RAPGEF2: variants seen among roughly 807,000 people sequenced by gnomAD.
The protein encoded by RAPGEF2 is PDZ domain containing guanine nucleotide exchange factor (GEF) 1.
RAPGEF2 carries 54 observed loss-of-function variants against 186.7 expected under a neutral mutation model. The observed-to-expected ratio is 0.29, with a 90% CI of 0.23 to 0.36. The LOEUF (loss-of-function observed/expected upper bound fraction) is 0.36. Ranked by LOEUF, RAPGEF2 falls within the 10% of genes least tolerant of loss-of-function variation. The probability of loss-of-function intolerance (pLI) is 1.00; values close to 1 mark genes in which losing one functional copy is unlikely to be tolerated. For missense variants in RAPGEF2, 1,532 were observed against 2,045.0 expected, an observed-to-expected ratio of 0.75 and a Z score of 4.84; for synonymous variants, 712 against 705.9, an observed-to-expected ratio of 1.01 and a Z score of -0.14.
chr4:159,129,785 C>T lies in RAPGEF2; in HGVS notation c.69+25554C>T, dbSNP rs138637406. Among the ~76,000 whole-genome samples the T allele has an allele frequency of 4.9e-4, 75 of 152,056 alleles. 1 individual carries two copies. Among genetic ancestry groups the T allele is most frequent in the African/African-American group, 1.6e-3 (68 of 41,470 alleles). On this transcript the variant is annotated intron_variant, in intron 1 of 29. Coordinates refer to ENST00000691494, the MANE Select transcript of RAPGEF2 (RefSeq NM_001394067.2). ...ACTGGAAAGGGGTCCCAATCCGGAC[C>T]CTGAAAAGAGGGTTCTTGGATCTTG...
chr4:159,147,200 A>G (rs1416042607), intron 1 of RAPGEF2, among the ~76,000 whole-genome samples: 1 of 152,252 alleles, frequency 6.6e-6, no homozygotes, highest in Non-Finnish European at 1.5e-5. Flanking sequence ...TATTTGCAGC[A>G]TAAATGGTAC....
rs555634421 is a variant in RAPGEF2 at position 159,265,565 on chromosome 4, A to G, written c.543+21774A>G. On this transcript the variant is annotated intron_variant, in intron 7 of 29. Transcript: ENST00000691494. ...TGGTGTAAGTCTGGAAAATGTATAAATCTTGCAGATCATGATAAGAGTTTT... is the reference window on the plus strand; with the variant it reads ...TGGTGTAAGTCTGGAAAATGTATAAGTCTTGCAGATCATGATAAGAGTTTT... Among the ~76,000 whole-genome samples, 7 of 152,324 alleles carry G rather than the reference A, an allele frequency of 4.6e-5. No homozygotes were observed. In the South Asian group the frequency reaches 1.0e-3, roughly 23 times the overall value.
intron 1 of RAPGEF2, among the ~76,000 whole-genome samples, chr4:159,123,914 G>A (rs188940550): frequency 4.5e-4 from 69 of 152,170 alleles, no homozygotes; most frequent in African/African-American, 1.6e-3. Flanking sequence ...GGAGTGCAGT[G>A]GCGTGTTCTC....
At chr4:159,347,053 A>G (rs1938587705) in intron 25 of RAPGEF2, 55 bp downstream of exon 25, 1 of 1,462,332 alleles carries the variant, frequency 6.8e-7, no homozygotes, top group African/African-American at 1.4e-5. Flanking sequence ...ATGGTTTGCA[A>G]ATTAGGAAAA....
chr4:159,252,542 T>A (rs561646366), intron 7 of RAPGEF2, among the ~76,000 whole-genome samples: 15 of 152,356 alleles, frequency 9.8e-5, no homozygotes, highest in Non-Finnish European at 1.9e-4. Context: ...CAGTGGGCAT[T>A]TTTGAGGAAT....
At chr4:159,351,113 G>A (rs1731109595) in intron 26 of RAPGEF2, 1 of 1,535,210 alleles carries the variant, frequency 6.5e-7, no homozygotes, top group Non-Finnish European at 8.7e-7. Flanking sequence ...GACTTAACCA[G>A]TTCCTCCTCT....
At chr4:159,286,515 C>G (rs1163547538) in intron 7 of RAPGEF2, among the ~76,000 whole-genome samples, 1 of 152,146 alleles carries the variant, frequency 6.6e-6, no homozygotes, top group South Asian at 2.1e-4. Flanking sequence ...GATTTTAAAA[C>G]TCCTCAGTAG....
chr4:159,255,113 A>G (rs75088484), intron 7 of RAPGEF2, among the ~76,000 whole-genome samples: 4,949 of 152,298 alleles, frequency 0.032, 103 homozygotes, highest in Middle Eastern at 0.058. Flanking sequence ...ACCTAGGAGC[A>G]ATAGGCTATC....
chr4:159,270,315 T>C (rs1757968413), intron 7 of RAPGEF2, among the ~76,000 whole-genome samples: 1 of 152,214 alleles, frequency 6.6e-6, no homozygotes, highest in Admixed American at 6.5e-5. Flanking sequence ...ACTCAGGCTC[T>C]CAATAAGTGA....
Position 159,104,219 on chromosome 4 carries a change from A to C in RAPGEF2, c.57A>C (p.Glu19Asp). The C allele has an allele frequency of 1.8e-6, 2 of 1,131,956 alleles. No individual in the cohort carries two copies. The highest frequency in any genetic ancestry group is 2.3e-6 in the Non-Finnish European group (2 of 885,152). The allele number at this position is 1,131,956 out of a possible 1,614,324, so 70.1% of individuals were successfully genotyped here. ...FRQAVMKNPP[E>D]RTPQDLEIVY... ...AGGCGGTGATGAAGAATCCCCCCGA[A>C]AGGACCCCCCAGGTGAGAACGCGGC... The change falls in exon 1 of 30, where the codon GAA becomes GAC. Residue 19 changes from glutamate to aspartate, a missense_variant. By Grantham distance (45) the Glu-to-Asp change is conservative (BLOSUM62 2). Coordinates refer to ENST00000691494, the MANE Select transcript of RAPGEF2 (RefSeq NM_001394067.2).
chr4:159,155,133 G>A (rs1342352473), intron 1 of RAPGEF2, among the ~76,000 whole-genome samples: 1 of 152,146 alleles, frequency 6.6e-6, no homozygotes, highest in Admixed American at 6.5e-5. Context: ...GAAACTGTCA[G>A]CTAGTATGTT....
intron 8 of RAPGEF2, among the ~76,000 whole-genome samples, chr4:159,314,151 T>C (rs1764267711): frequency 1.3e-5 from 2 of 152,232 alleles, no homozygotes; most frequent in Admixed American, 6.5e-5. Flanking sequence ...GGCTCATTTT[T>C]CCATAAGGAC....
At chr4:159,307,897 A>G (rs1763498374) in intron 8 of RAPGEF2, among the ~76,000 whole-genome samples, 1 of 152,164 alleles carries the variant, frequency 6.6e-6, no homozygotes, top group East Asian at 1.9e-4. Flanking sequence ...CTTGAGCCCC[A>G]GAAGTTGTCA....
At chr4:159,202,108 C>A (rs1489137245) in intron 3 of RAPGEF2, among the ~76,000 whole-genome samples, 1 of 152,204 alleles carries the variant, frequency 6.6e-6, no homozygotes, top group South Asian at 2.1e-4. Flanking sequence ...GTGTGCTCGG[C>A]TCAGCCACTG....
intron 1 of RAPGEF2, among the ~76,000 whole-genome samples, chr4:159,170,380 C>T (rs969261410): frequency 2.6e-5 from 4 of 152,008 alleles, no homozygotes; most frequent in Non-Finnish European, 5.9e-5. Context: ...TTCAACCAAC[C>T]ATGGATCGAA....
chr4:159,355,833 G>T lies in RAPGEF2; in HGVS notation c.4652-20G>T. 6.6e-7 allele frequency: 1 copy of T among 1,526,514 alleles called. No individual in the cohort carries two copies. The highest frequency in any genetic ancestry group is 1.2e-5 in the South Asian group (1 of 82,490). The allele number at this position is 1,526,514 out of a possible 1,614,324, so 94.6% of individuals were successfully genotyped here. A position where few individuals can be genotyped will look rare whatever the true frequency, so the allele number is the denominator to read the frequency against. On this transcript the variant is annotated intron_variant, in intron 28 of 29. Transcript: ENST00000691494. Reference sequence around the variant, plus strand: ...TGGCATGAACTAGTTTTTAATGCTGGTGCATTGTTTCTACTCTAGCACGAA... The same window carrying T: ...TGGCATGAACTAGTTTTTAATGCTGTTGCATTGTTTCTACTCTAGCACGAA...
chr4:159,116,624 G>A (rs1739081465), intron 1 of RAPGEF2, among the ~76,000 whole-genome samples: 1 of 152,180 alleles, frequency 6.6e-6, no homozygotes, highest in Admixed American at 6.5e-5. Flanking sequence ...GTTCATTGCA[G>A]CACTATTCAC....
chr4:159,104,022 G>GCGCCGC lies in RAPGEF2; in HGVS notation c.-131_-126dup, dbSNP rs913897634. ...GCCGAGCCGCCCCCCCGCGGGCCCC[G>GCGCCGC]CGCCGCCGCCGCCGCGGTTTGGCTG... On this transcript the variant is annotated 5_prime_UTR_variant, in exon 1 of 30. Transcript: ENST00000691494. 4 of 245,828 alleles carry GCGCCGC rather than the reference G, an allele frequency of 1.6e-5. No homozygotes were observed. Among genetic ancestry groups the GCGCCGC allele is most frequent in the African/African-American group, 2.3e-5 (1 of 42,684 alleles). 15.2% of individuals were successfully genotyped at this position (245,828 alleles called of 1,614,324 possible).
chr4:159,273,628 TTCTTTCTTTCTTTCTTTCTTTC>T (rs979290204), intron 7 of RAPGEF2, among the ~76,000 whole-genome samples: 3 of 13,790 alleles, frequency 2.2e-4, no homozygotes, highest in African/African-American at 6.6e-4. Context: ...AGTAATCAGT[TTCTTTCTTTCTTTCTTTCTTTC>T]TTTCTTTCTT....
Sources: gnomAD v4.1 joint callset for allele counts (sites outside exome capture counted in the v4.1 genomes callset) on GRCh38, gnomAD v4.1.1 for gene constraint, MANE v1.5 for transcripts, NCBI Gene and HGNC (gene_info 2026-07-23, HGNC 2026-07-21) for gene names.